BMP3: variants seen among roughly 807,000 people sequenced by gnomAD.
BMP3 encodes the protein bone morphogenetic protein 3, also known as bone morphogenetic protein 3 (osteogenic).
A neutral mutation model predicts 38.1 loss-of-function variants in BMP3; 23 were observed. The ratio of observed to expected loss-of-function variants is 0.60; its 90% confidence interval spans 0.43 to 0.86. BMP3 has a LOEUF of 0.86. Ranked by LOEUF, BMP3 falls within the 40% of genes least tolerant of loss-of-function variation. BMP3 has a pLI of 0.00. For missense variants in BMP3, 628 were observed against 579.6 expected (o/e 1.08, Z -0.86); for synonymous variants, 258 against 225.7 (o/e 1.14, Z -1.28).
intron 2 of BMP3, among the ~76,000 whole-genome samples, chr4:81,052,685 A>AC (rs1029974221): frequency 2.6e-5 from 4 of 151,946 alleles, no homozygotes; most frequent in South Asian, 2.1e-4. Context: ...TGGTCTTCTT[A>AC]CCCCCCAGTT....
At chr4:81,033,912 G>A (rs1739845616) in intron 1 of BMP3, among the ~76,000 whole-genome samples, 1 of 152,198 alleles carries the variant, frequency 6.6e-6, no homozygotes, top group African/African-American at 2.4e-5. Flanking sequence ...CTGTACTGAA[G>A]ACGTTAGAAA....
In BMP3 at chr4:81,031,392, G is replaced by T. The variant is rs771310975; in HGVS notation, c.108G>T (p.Val36=). ...CTTTCCCGGAGCTCCGCAAAGCTGTGCCAGGTGACCGCACGGCAGGTGGTG... is the reference window on the plus strand; with the variant it reads ...CTTTCCCGGAGCTCCGCAAAGCTGTTCCAGGTGACCGCACGGCAGGTGGTG... ...KPPFPELRKA[V]PGDRTAGGGP... is the part of the protein sequence containing the mutation. The change falls in exon 1 of 3, where the codon GTG becomes GTT. Residue 36 remains valine (V), a synonymous_variant. Transcript: ENST00000282701. The T allele has an allele frequency of 4.3e-6, 7 of 1,613,620 alleles. No individual in the cohort carries two copies. The highest frequency in any genetic ancestry group is 5.9e-6 in the Non-Finnish European group (7 of 1,179,892).
At position 81,053,612 on chromosome 4, in the gene BMP3, T is replaced by TG. The variant is rs1289855744; in HGVS notation, c.*76_*77insG. On this transcript the variant is annotated 3_prime_UTR_variant, in exon 3 of 3. Coordinates refer to ENST00000282701, the MANE Select transcript of BMP3 (RefSeq NM_001201.5). ...ATGGACTTCTTCCTGTTTTTTTTTT[T>TG]TTTTTTTTTGCACTGCCAATGCATT... is the stretch of plus-strand genomic sequence containing the variant. 6 of 825,116 alleles carry TG rather than the reference T, an allele frequency of 7.3e-6. No homozygotes were observed. Among genetic ancestry groups the TG allele is most frequent in the South Asian group, 3.6e-5 (1 of 27,494 alleles). The allele number at this position is 825,116 out of a possible 1,614,324, so 51.1% of individuals were successfully genotyped here. A position where few individuals can be genotyped will look rare whatever the true frequency, so the allele number is the denominator to read the frequency against.
chr4:81,048,921 C>T (rs1019210550), intron 2 of BMP3, among the ~76,000 whole-genome samples: 2 of 152,172 alleles, frequency 1.3e-5, no homozygotes, highest in African/African-American at 4.8e-5. Context: ...TGCTGATTCA[C>T]AAATTGCACT....
intron 2 of BMP3, among the ~76,000 whole-genome samples, chr4:81,050,762 A>T (rs1323509131): frequency 6.6e-6 from 1 of 152,110 alleles, no homozygotes; most frequent in African/African-American, 2.4e-5. Flanking sequence ...AAATTACCTA[A>T]CTGCTATTGA....
At position 81,056,960 on chromosome 4, in the gene BMP3, T is replaced by A. The variant is rs1740590396; in HGVS notation, c.*3424T>A. On this transcript the variant is annotated 3_prime_UTR_variant, in exon 3 of 3. Coordinates refer to ENST00000282701, the MANE Select transcript of BMP3 (RefSeq NM_001201.5). ...AAGTAACTAATGTCTGGGCATTGAC[T>A]TCTTATTGAATCAAAGTTGGGTTAG... 6.6e-6 allele frequency: 1 copy of A among 152,644 alleles called. No individual in the cohort carries two copies. Among genetic ancestry groups the A allele is most frequent in the African/African-American group, 2.4e-5 (1 of 41,462 alleles). The allele number at this position is 152,644 out of a possible 1,614,324, so 9.5% of individuals were successfully genotyped here.
intron 1 of BMP3, among the ~76,000 whole-genome samples, chr4:81,045,253 T>A (rs748121888): frequency 2.0e-5 from 3 of 152,198 alleles, no homozygotes; most frequent in Non-Finnish European, 4.4e-5. Context: ...CATTTATATA[T>A]CTTCTTTGAA....
chr4:81,040,015 A>G (rs1374330529), intron 1 of BMP3, among the ~76,000 whole-genome samples: 2 of 152,200 alleles, frequency 1.3e-5, no homozygotes, highest in East Asian at 3.9e-4. Flanking sequence ...GGGTAGAGAC[A>G]TTGCAGAGAG....
Position 81,054,127 on chromosome 4 carries a change from C to T in BMP3, c.*591C>T, listed in dbSNP as rs1279266179. 1 of 152,428 alleles carries T rather than the reference C, an allele frequency of 6.6e-6. No homozygotes were observed. Among genetic ancestry groups the T allele is most frequent in the African/African-American group, 2.4e-5 (1 of 41,380 alleles). The allele number at this position is 152,428 out of a possible 1,614,324, so 9.4% of individuals were successfully genotyped here. ...GCGTACATGCGCCAGGTGCCTGTGC[C>T]CTCTGTAGGATGGTTTGCTTAATAT... On this transcript the variant is annotated 3_prime_UTR_variant, in exon 3 of 3. Transcript: ENST00000282701.
rs1374465816 is a variant in BMP3, at chr4:81,030,714, C to T, written c.-571C>T. ...GAGAGCGAAAGAACTAAGTCTCTCT[C>T]TCTCATACACACACACACACGCACA... On this transcript the variant is annotated 5_prime_UTR_variant, in exon 1 of 3. Coordinates refer to ENST00000282701, the MANE Select transcript of BMP3 (RefSeq NM_001201.5). 6.6e-6 allele frequency among the ~76,000 whole-genome samples: 1 copy of T among 151,946 alleles called. No homozygotes were observed. Among genetic ancestry groups the T allele is most frequent in the Non-Finnish European group, 1.5e-5 (1 of 67,970 alleles).
chr4:81,031,471 C>T lies in BMP3; in HGVS notation c.187C>T (p.Leu63Phe), dbSNP rs1305720518. 6.2e-7 allele frequency: 1 copy of T among 1,613,496 alleles called. No homozygotes were observed. The highest frequency in any genetic ancestry group is 8.5e-7 in the Non-Finnish European group (1 of 1,179,738). Residue 63 changes from leucine (L) to phenylalanine (F), a missense_variant, in exon 1 of 3, where the codon CTC becomes TTC. Physicochemically the swap from Leu to Phe is conservative, Grantham distance 22. Transcript: ENST00000282701. ...CAAGGTCTCTGAACACATGCTGCGG[C>T]TCTATGACAGGTACAGCACGGTCCA... ...QDKVSEHMLR[L>F]YDRYSTVQAA...
In BMP3 at chr4:81,056,681, A is replaced by T. The variant is rs1388680608; in HGVS notation, c.*3145A>T. On this transcript the variant is annotated 3_prime_UTR_variant, in exon 3 of 3. Transcript: ENST00000282701. ...CTTAAACTGGAAGACTGGATTCCTC[A>T]GATCTCAGGACTATAACATTCCAGA... 1 of 152,636 alleles carries T rather than the reference A, an allele frequency of 6.6e-6. No individual in the cohort carries two copies. Among genetic ancestry groups the T allele is most frequent in the Non-Finnish European group, 1.5e-5 (1 of 68,036 alleles). The allele number at this position is 152,636 out of a possible 1,614,324, so 9.5% of individuals were successfully genotyped here.
At position 81,032,194 on chromosome 4, in the gene BMP3, C is replaced by CAAAAAAAAA. The variant is rs5859748; in HGVS notation, c.316+612_316+620dup. ...ACTTTACTTGATAGTTCCTTAGTGG[C>CAAAAAAAAA]AAAAAAAAAAAAAAAAAAAAAAAAA... On this transcript the variant is annotated intron_variant, in intron 1 of 2. Transcript: ENST00000282701. Among the ~76,000 whole-genome samples the CAAAAAAAAA allele has an allele frequency of 2.2e-3, 160 of 74,018 alleles. 20 individuals carry two copies. Among genetic ancestry groups the CAAAAAAAAA allele is most frequent in the African/African-American group, 6.8e-3 (141 of 20,678 alleles). The allele number at this position is 74,018 out of a possible 152,430, so 48.6% of individuals were successfully genotyped here. A position where few individuals can be genotyped will look rare whatever the true frequency, so the allele number is the denominator to read the frequency against.
intron 2 of BMP3, among the ~76,000 whole-genome samples, chr4:81,048,370 C>T (rs969076599): frequency 4.2e-4 from 64 of 152,212 alleles, no homozygotes; most frequent in African/African-American, 1.4e-3. Flanking sequence ...AGTTGGGTCT[C>T]GAAGTTTTCC....
At chr4:81,032,020 G>A (rs1028853679) in intron 1 of BMP3, among the ~76,000 whole-genome samples, 2 of 152,022 alleles carry the variant, frequency 1.3e-5, no homozygotes, top group African/African-American at 2.4e-5. Context: ...CTAAGAGGCA[G>A]ATGCCATTTT....
chr4:81,039,761 G>A (rs1740020832), intron 1 of BMP3, among the ~76,000 whole-genome samples: 1 of 152,100 alleles, frequency 6.6e-6, no homozygotes, highest in Admixed American at 6.6e-5. Flanking sequence ...AACTAAATTT[G>A]CTCATGCATA....
chr4:81,032,194 CAAAAAAAAAAAAA>C (rs5859748), intron 1 of BMP3, among the ~76,000 whole-genome samples: 30 of 74,036 alleles, frequency 4.1e-4, no homozygotes, highest in African/African-American at 1.4e-3. Flanking sequence ...TCCTTAGTGG[CAAAAAAAAAAAAA>C]AAAAAAAAAA....
In BMP3 at chr4:81,045,296, A is replaced by G. The variant is rs992450847; in HGVS notation, c.317-442A>G. 7.3e-5 allele frequency among the ~76,000 whole-genome samples: 11 copies of G among 151,506 alleles called. 1 individual carries two copies. The highest frequency in any genetic ancestry group is 1.6e-4 in the Non-Finnish European group (11 of 67,826). On this transcript the variant is annotated intron_variant, in intron 1 of 2. Coordinates refer to ENST00000282701, the MANE Select transcript of BMP3 (RefSeq NM_001201.5). ...CTATTCAAGGCATTTTCCCATTTTT[A>G]TTTGGTTTCTTGGTCTGTTTATTGC...
intron 1 of BMP3, among the ~76,000 whole-genome samples, chr4:81,039,830 G>C (rs1740022501): frequency 2.0e-5 from 3 of 152,132 alleles, no homozygotes; most frequent in Admixed American, 6.5e-5. Context: ...ATATAATTTA[G>C]AGCCTTGTCT....
Sources: gnomAD v4.1 joint callset for allele counts (sites outside exome capture counted in the v4.1 genomes callset) on GRCh38, gnomAD v4.1.1 for gene constraint, MANE v1.5 for transcripts, NCBI Gene and HGNC (gene_info 2026-07-23, HGNC 2026-07-21) for gene names.